Variants in RAP1GDS1 observed in about 807,000 individuals in gnomAD.
The protein encoded by RAP1GDS1 is Rap1 GTPase-GDP dissociation stimulator 1.
A neutral mutation model predicts 71.1 loss-of-function variants in RAP1GDS1; 35 were observed. That is an observed-to-expected ratio of 0.49 (90% CI 0.38 to 0.65). The LOEUF (loss-of-function observed/expected upper bound fraction) is 0.65, where lower values mean the gene tolerates loss of function less well. Among genes scored for constraint, RAP1GDS1 ranks in the 30% least tolerant of loss-of-function variants. The pLI is 0.00. For missense variants in RAP1GDS1, 663 were observed against 706.1 expected (o/e 0.94, Z 0.69); for synonymous variants, 229 against 243.1 (o/e 0.94, Z 0.54).
chr4:98,334,653 G>A (rs1560856637), intron 2 of RAP1GDS1, among the ~76,000 whole-genome samples: 1 of 152,068 alleles, frequency 6.6e-6, no homozygotes, highest in Non-Finnish European at 1.5e-5. Context: ...TAACTTTTGT[G>A]AGCACTATAT....
At chr4:98,319,778 CAAAAAAAAAAAAA>C (rs35696332) in intron 2 of RAP1GDS1, among the ~76,000 whole-genome samples, 3 of 79,226 alleles carry the variant, frequency 3.8e-5, no homozygotes, top group Non-Finnish European at 5.4e-5. Flanking sequence ...GAGAATGTCT[CAAAAAAAAAAAAA>C]AAAAAAAAGA....
chr4:98,399,625 A>G (rs1745073531), intron 6 of RAP1GDS1, among the ~76,000 whole-genome samples: 1 of 152,166 alleles, frequency 6.6e-6, no homozygotes, highest in African/African-American at 2.4e-5. Flanking sequence ...CAAATTATCT[A>G]AACAGATACA....
chr4:98,421,571 T>A (rs1234805558), intron 12 of RAP1GDS1, among the ~76,000 whole-genome samples, 177 bp downstream of exon 12: 1 of 152,138 alleles, frequency 6.6e-6, no homozygotes, highest in African/African-American at 2.4e-5. Flanking sequence ...ACTCGGTAAA[T>A]GGGGGTTGCT....
At chr4:98,349,539 T>C (rs1461612105) in intron 3 of RAP1GDS1, among the ~76,000 whole-genome samples, 2 of 152,188 alleles carry the variant, frequency 1.3e-5, no homozygotes, top group Admixed American at 6.5e-5. Context: ...TGGCATTGAA[T>C]CTATAAATTA....
chr4:98,278,643 A>G (rs1724580801), intron 1 of RAP1GDS1, among the ~76,000 whole-genome samples: 1 of 152,162 alleles, frequency 6.6e-6, no homozygotes, highest in Non-Finnish European at 1.5e-5. Flanking sequence ...AAGTTGCTTA[A>G]GCTCTTTTAT....
intron 1 of RAP1GDS1, among the ~76,000 whole-genome samples, chr4:98,265,990 G>A (rs1027592394): frequency 6.6e-6 from 1 of 151,988 alleles, no homozygotes; most frequent in Non-Finnish European, 1.5e-5. Flanking sequence ...TAGTCATGCT[G>A]TATTTCTCAC....
chr4:98,427,890 G>T (rs1359435921), intron 12 of RAP1GDS1, among the ~76,000 whole-genome samples: 1 of 152,058 alleles, frequency 6.6e-6, no homozygotes, highest in Non-Finnish European at 1.5e-5. Flanking sequence ...CCAAGAAAGA[G>T]CCTGCATAGC....
Position 98,348,628 on chromosome 4 carries a change from G to C in RAP1GDS1, c.236-3848G>C, listed in dbSNP as rs550009526. ...TTTCTCCACAGCCAATCCAGCACCT[G>C]TTGTTTCCTGACTTTTTAATGATCA... On this transcript the variant is annotated intron_variant, in intron 3 of 14. Coordinates refer to ENST00000408927, the MANE Select transcript of RAP1GDS1 (RefSeq NM_001100427.2). 5.9e-5 allele frequency among the ~76,000 whole-genome samples: 9 copies of C among 152,266 alleles called. No individual in the cohort carries two copies. In the East Asian group the frequency reaches 1.7e-3, roughly 29 times the overall value.
chr4:98,352,335 A>C, intron 3 of RAP1GDS1, 141 bp from the exon 4 acceptor site: 1 of 823,962 alleles, frequency 1.2e-6, no homozygotes, highest in Non-Finnish European at 1.9e-6. Context: ...ACAGAAATGT[A>C]CTCTTCAAAT....
At chr4:98,405,031 C>T (rs570315222) in intron 7 of RAP1GDS1, among the ~76,000 whole-genome samples, 59 of 152,208 alleles carry the variant, frequency 3.9e-4, no homozygotes, top group African/African-American at 1.3e-3. Flanking sequence ...TCAGAAGAAA[C>T]AAACTATTCC....
At chr4:98,395,676 A>AACAT (rs1744423062) in intron 6 of RAP1GDS1, among the ~76,000 whole-genome samples, 1 of 152,210 alleles carries the variant, frequency 6.6e-6, no homozygotes, top group Non-Finnish European at 1.5e-5. Context: ...ACCCTTTTTA[A>AACAT]ACATAGATAC....
chr4:98,433,857 CAAT>C, intron 12 of RAP1GDS1, 76 bp from the exon 13 acceptor site: 2 of 1,402,626 alleles, frequency 1.4e-6, no homozygotes, highest in South Asian at 1.3e-5. Flanking sequence ...AACCACTCAA[CAAT>C]GAGTTGACTG....
rs1411254381 is a variant in RAP1GDS1 at position 98,442,596 on chromosome 4, T to G, written c.*479T>G. On this transcript the variant is annotated 3_prime_UTR_variant, in exon 15 of 15. Transcript: ENST00000408927. ...AAAAGTTGTATGGCTGCTTATTCAT[T>G]AGTCTTTCCTACTGATGTCAAATCC... The G allele has an allele frequency of 4.4e-6, 1 of 227,826 alleles. No individual in the cohort carries two copies. The highest frequency in any genetic ancestry group is 2.2e-5 in the African/African-American group (1 of 45,040). 14.1% of individuals were successfully genotyped at this position (227,826 alleles called of 1,614,324 possible).
chr4:98,299,566 G>A (rs890385590), intron 2 of RAP1GDS1, among the ~76,000 whole-genome samples: 3 of 151,764 alleles, frequency 2.0e-5, no homozygotes, highest in Non-Finnish European at 2.9e-5. Context: ...ATAATCTCAC[G>A]ATAAAACTTG....
chr4:98,279,086 T>A (rs1724663379), intron 1 of RAP1GDS1, among the ~76,000 whole-genome samples: 1 of 152,000 alleles, frequency 6.6e-6, no homozygotes, highest in Non-Finnish European at 1.5e-5. Context: ...TAGCTGGGCA[T>A]GGTGGTGGGC....
intron 12 of RAP1GDS1, among the ~76,000 whole-genome samples, chr4:98,427,503 A>G (rs1749780086): frequency 6.6e-6 from 1 of 152,204 alleles, no homozygotes; most frequent in Admixed American, 6.5e-5. Context: ...AACTGATAAA[A>G]GAATTCAGCA....
intron 2 of RAP1GDS1, among the ~76,000 whole-genome samples, chr4:98,324,374 C>T (rs1333964859): frequency 1.3e-5 from 2 of 152,080 alleles, no homozygotes; most frequent in African/African-American, 4.8e-5. Flanking sequence ...CAATGGCATC[C>T]CCATAAAGCT....
chr4:98,371,318 T>C (rs1200881363), intron 4 of RAP1GDS1, among the ~76,000 whole-genome samples: 1 of 151,482 alleles, frequency 6.6e-6, no homozygotes, highest in Non-Finnish European at 1.5e-5. Flanking sequence ...GATTTCACCT[T>C]GTCGGGCCAG....
chr4:98,429,294 A>G (rs975168591), intron 12 of RAP1GDS1, among the ~76,000 whole-genome samples: 5 of 151,044 alleles, frequency 3.3e-5, no homozygotes, highest in Non-Finnish European at 5.9e-5. Flanking sequence ...TATGATGTGT[A>G]TATATATATA....
Sources: allele counts gnomAD v4.1 joint callset (sites outside exome capture counted in the v4.1 genomes callset), GRCh38; gene constraint gnomAD v4.1.1; transcripts MANE v1.5; gene names NCBI Gene and HGNC (gene_info 2026-07-23, HGNC 2026-07-21).